The following ZNF573 variants were observed in gnomAD, a reference collection of about 807,000 sequenced individuals.
ZNF573 encodes zinc finger protein 573.
Under a neutral mutation model 57.4 loss-of-function variants are expected in ZNF573, and 41 were observed. The observed-to-expected ratio is 0.71, with a 90% CI of 0.56 to 0.93. The LOEUF (loss-of-function observed/expected upper bound fraction) is 0.93. ZNF573 is among the 40% of genes least tolerant of loss of function. The pLI is 0.00. For synonymous variants in ZNF573, 249 were observed against 261.0 expected, an observed-to-expected ratio of 0.95 and a Z score of 0.44; for missense variants, 730 against 794.8, an observed-to-expected ratio of 0.92 and a Z score of 0.98.
chr19:37,756,402 A>C (rs1317185335), intron 4 of ZNF573, among the ~76,000 whole-genome samples: 2 of 152,216 alleles, frequency 1.3e-5, no homozygotes, highest in Non-Finnish European at 2.9e-5. Flanking sequence ...TAAAGCACAG[A>C]ACTCCTCAAC....
rs761792387 is a variant in ZNF573, at chr19:37,739,386, A to G, written c.1104T>C (p.Thr368=). ...YECKECKKTF[T]LYRNLTRHQN... ...GATGCCGAGTAAGATTTCTATACAA[A>G]GTAAAGGTTTTCTTACACTCCTTAC... Residue 368 remains threonine, a synonymous_variant, in exon 5 of 5, where the codon ACT becomes ACC. Transcript: ENST00000536220. 1.2e-6 allele frequency: 2 copies of G among 1,613,940 alleles called. No homozygotes were observed. Among genetic ancestry groups the G allele is most frequent in the Admixed American group, 1.7e-5 (1 of 59,990 alleles).
rs3752364 is a variant in ZNF573, at chr19:37,739,756, G to A, written c.734C>T (p.Pro245Leu). 24 of 1,613,882 alleles carry A rather than the reference G, an allele frequency of 1.5e-5. No homozygotes were observed. In the East Asian group the frequency reaches 2.7e-4, roughly 18 times the overall value. Residue 245 changes from proline (P) to leucine (L), a missense_variant, in exon 5 of 5, where the codon CCG becomes CTG. By Grantham distance (98) the Pro-to-Leu change is moderately conservative (BLOSUM62 -3). Transcript: ENST00000536220. ...QHERIHTGGK[P>L]YECQECGRAF... ...CCTCCCACACTCCTGACATTCATAC[G>A]GCTTCCCACCAGTGTGAATTCTCTC... is the stretch of plus-strand genomic sequence containing the variant.
chr19:37,767,552 A>G (rs182848389), intron 4 of ZNF573, among the ~76,000 whole-genome samples: 3 of 152,160 alleles, frequency 2.0e-5, no homozygotes, highest in Admixed American at 2.0e-4. Flanking sequence ...GCCTTTTAAG[A>G]TGGTTCTTTA....
At chr19:37,744,486 C>T (rs990337815) in intron 4 of ZNF573, among the ~76,000 whole-genome samples, 1 of 151,972 alleles carries the variant, frequency 6.6e-6, no homozygotes, top group Non-Finnish European at 1.5e-5. Context: ...GCCTATAATC[C>T]CAGCACTTTG....
Position 37,752,020 on chromosome 19 carries a change from G to A in ZNF573, c.296-11826C>T, listed in dbSNP as rs143851182. 6.8e-4 allele frequency among the ~76,000 whole-genome samples: 101 copies of A among 148,262 alleles called. 6 individuals carry two copies. The highest frequency in any genetic ancestry group is 2.4e-3 in the African/African-American group (95 of 39,498). Reference sequence around the variant, plus strand: ...TATACTGTATATAGTACATAGTACCGTATATATACTGTATATAGTATATAG... The same window carrying A: ...TATACTGTATATAGTACATAGTACCATATATATACTGTATATAGTATATAG... On this transcript the variant is annotated intron_variant, in intron 4 of 4. Transcript: ENST00000536220.
chr19:37,771,003 A>C (rs1378965811), intron 3 of ZNF573, among the ~76,000 whole-genome samples: 1 of 150,772 alleles, frequency 6.6e-6, no homozygotes, highest in Non-Finnish European at 1.5e-5. Context: ...TTCAAACTCA[A>C]TGCAAAGCTC....
At chr19:37,762,774 CTT>C (rs771487185) in intron 4 of ZNF573, among the ~76,000 whole-genome samples, 13 of 140,312 alleles carry the variant, frequency 9.3e-5, no homozygotes, top group Non-Finnish European at 1.3e-4. Flanking sequence ...TGGAGCCAGT[CTT>C]TTTTTTTTTT....
intron 4 of ZNF573, among the ~76,000 whole-genome samples, chr19:37,765,947 G>A (rs897046743): frequency 6.6e-6 from 1 of 151,910 alleles, no homozygotes; most frequent in Non-Finnish European, 1.5e-5. Flanking sequence ...GGCTGAGGCA[G>A]GAGAATGGCT....
intron 4 of ZNF573, among the ~76,000 whole-genome samples, chr19:37,756,054 G>C (rs1045076350): frequency 1.3e-5 from 2 of 152,184 alleles, no homozygotes; most frequent in Admixed American, 6.6e-5. Flanking sequence ...AGGGAAAACA[G>C]ATGTCTGGCT....
At chr19:37,756,824 AAAAT>A (rs1275530176) in intron 4 of ZNF573, among the ~76,000 whole-genome samples, 1 of 151,894 alleles carries the variant, frequency 6.6e-6, no homozygotes, top group Non-Finnish European at 1.5e-5. Flanking sequence ...ATATTATGAT[AAAAT>A]AATAAAATGC....
At chr19:37,744,909 G>C (rs999230669) in intron 4 of ZNF573, among the ~76,000 whole-genome samples, 1 of 151,510 alleles carries the variant, frequency 6.6e-6, no homozygotes, top group African/African-American at 2.4e-5. Context: ...AGCCTCCCGA[G>C]TAGCTGGGAC....
Position 37,776,038 on chromosome 19 carries a change from T to C in ZNF573, c.-22-2287A>G, listed in dbSNP as rs183695767. On this transcript the variant is annotated intron_variant, in intron 1 of 4. Transcript: ENST00000536220. The stretch of plus-strand genomic sequence containing the variant: ...CGCTCATGGATAGGTAGAATCAGTA[T>C]GGCGAAAATGACCATACTGCCAAAA... Among the ~76,000 whole-genome samples, 388 of 152,244 alleles carry C rather than the reference T, an allele frequency of 2.5e-3. 2 individuals are homozygous for C. Among genetic ancestry groups the C allele is most frequent in the African/African-American group, 8.8e-3 (366 of 41,544 alleles).
intron 4 of ZNF573, 34 bp from the exon 5 acceptor site, chr19:37,740,228 A>G (rs1415524163): frequency 3.3e-6 from 5 of 1,517,276 alleles, no homozygotes; most frequent in Non-Finnish European, 4.4e-6. Flanking sequence ...AAAAATTTGT[A>G]TTTCTATACC....
intron 4 of ZNF573, among the ~76,000 whole-genome samples, chr19:37,751,038 T>C (rs74731522): frequency 3.3e-5 from 5 of 151,134 alleles, no homozygotes; most frequent in Admixed American, 1.3e-4. Flanking sequence ...ATATAGACAG[T>C]ATATATACTG....
intron 4 of ZNF573, among the ~76,000 whole-genome samples, chr19:37,747,025 T>G (rs1452268743): frequency 6.6e-6 from 1 of 152,110 alleles, no homozygotes; most frequent in African/African-American, 2.4e-5. Context: ...AACAGAAGGA[T>G]CAGGGTATTA....
chr19:37,742,358 C>T (rs1264613227), intron 4 of ZNF573, among the ~76,000 whole-genome samples: 4 of 152,054 alleles, frequency 2.6e-5, no homozygotes, highest in Non-Finnish European at 5.9e-5. Flanking sequence ...AAGAAGACCC[C>T]GTACAGCCAA....
At chr19:37,760,527 G>T (rs1013033694) in intron 4 of ZNF573, among the ~76,000 whole-genome samples, 2 of 152,108 alleles carry the variant, frequency 1.3e-5, no homozygotes, top group Middle Eastern at 3.2e-3. Flanking sequence ...TCTTACAGAA[G>T]AATTCCAGCT....
chr19:37,773,120 G>T (rs1271864911), intron 2 of ZNF573: 1 of 295,468 alleles, frequency 3.4e-6, no homozygotes, highest in East Asian at 1.7e-4. Flanking sequence ...AAGTTCAGCA[G>T]AACACATTCA....
intron 3 of ZNF573, 72 bp downstream of exon 3, chr19:37,771,492 T>A: frequency 6.6e-7 from 1 of 1,526,270 alleles, no homozygotes; most frequent in African/African-American, 1.4e-5. Context: ...AAATATGGCC[T>A]TGAAATTCAT....
Sources: allele counts gnomAD v4.1 joint callset (sites outside exome capture counted in the v4.1 genomes callset), GRCh38; gene constraint gnomAD v4.1.1; transcripts MANE v1.5; gene names NCBI Gene and HGNC (gene_info 2026-07-23, HGNC 2026-07-21).